The following CHRNA10 variants were observed in gnomAD, a reference collection of about 807,000 sequenced individuals.
CHRNA10 encodes the protein cholinergic receptor nicotinic alpha 10 subunit, also known as neuronal acetylcholine receptor subunit alpha-10.
Under a neutral mutation model 36.0 loss-of-function variants are expected in CHRNA10, and 31 were observed. The ratio of observed to expected loss-of-function variants is 0.86; its 90% CI spans 0.65 to 1.16. The LOEUF (loss-of-function observed/expected upper bound fraction) is 1.16, where lower values mean the gene tolerates loss of function less well. Ranked by LOEUF, CHRNA10 falls within the 50% of genes most tolerant of loss-of-function variation. The probability of loss-of-function intolerance (pLI) is 0.00; values close to 1 mark genes in which losing one functional copy is unlikely to be tolerated. For missense variants in CHRNA10, 648 were observed against 640.9 expected, an observed-to-expected ratio of 1.01 and a Z score of -0.12; for synonymous variants, 302 against 287.0, an observed-to-expected ratio of 1.05 and a Z score of -0.53.
chr11:3,669,174 G>A, intron 3 of CHRNA10, 22 bp downstream of exon 3: 4 of 1,604,996 alleles, frequency 2.5e-6, no homozygotes, highest in Middle Eastern at 1.7e-4. Context: ...TAAGAGAGAG[G>A]AGGGGCCCAG....
chr11:3,667,122 C>A, intron 4 of CHRNA10, 110 bp downstream of exon 4: 1 of 1,418,836 alleles, frequency 7.0e-7, no homozygotes, highest in African/African-American at 1.5e-5. Flanking sequence ...CAGGACGCCC[C>A]CCTCTCACTT....
At position 3,667,409 on chromosome 11, in the gene CHRNA10, C is replaced by T. The variant is rs774655790; in HGVS notation, c.718G>A (p.Val240Met). 33 of 1,598,962 alleles carry T rather than the reference C, an allele frequency of 2.1e-5. No individual in the cohort carries two copies. Among genetic ancestry groups the T allele is most frequent in the Non-Finnish European group, 2.5e-5 (29 of 1,177,288 alleles). ...ACGCAGGGCAGCAGCAGGTTGCACA[C>T]GTAGGCGGCGGCGCGGCGGCGCAGC... The part of the protein sequence containing the change: ...LLLRRRAAAY[V>M]CNLLLPCVLI... Residue 240 changes from valine (V) to methionine (M), a missense_variant, in exon 4 of 5, where the codon GTG (valine) becomes ATG (methionine). Val to Met is a conservative substitution (Grantham distance 21). Transcript: ENST00000250699.
In CHRNA10 at chr11:3,667,386, G is replaced by A. The variant is rs756087818; in HGVS notation, c.741C>T (p.Cys247=). 12 of 1,601,382 alleles carry A rather than the reference G, an allele frequency of 7.5e-6. No homozygotes were observed. Among genetic ancestry groups the A allele is most frequent in the Admixed American group, 3.3e-5 (2 of 59,746 alleles). The change falls in exon 4 of 5, where the codon TGC becomes TGT. Residue 247 remains cysteine (C), a synonymous_variant. Coordinates refer to ENST00000250699, the MANE Select transcript of CHRNA10 (RefSeq NM_020402.4). ...GCGGCGCAAGCAGCGAGATGAGCAC[G>A]CAGGGCAGCAGCAGGTTGCACACGT... is the stretch of plus-strand genomic sequence containing the variant. The part of the protein sequence containing the change: ...AAYVCNLLLP[C]VLISLLAPLA...
rs746641185 is a variant in CHRNA10, at chr11:3,667,427, G to A, written c.700C>T (p.Arg234Cys). The A allele has an allele frequency of 8.1e-6, 13 of 1,596,602 alleles. No homozygotes were observed. In the African/African-American group the frequency reaches 1.3e-4, roughly 16 times the overall value. The change falls in exon 4 of 5, where the codon CGC becomes TGC. Residue 234 changes from arginine to cysteine, a missense_variant. Arg to Cys is a radical substitution (Grantham distance 180). Coordinates refer to ENST00000250699, the MANE Select transcript of CHRNA10 (RefSeq NM_020402.4). Reference protein sequence around the residue: ...PDVTFTLLLRRRAAAYVCNLL... With the variant: ...PDVTFTLLLRCRAAAYVCNLL... ...TTGCACACGTAGGCGGCGGCGCGGC[G>A]GCGCAGCAGCAGCGTGAAGGTGACG...
chr11:3,670,398 TC>T (rs2077705094), intron 1 of CHRNA10, among the ~76,000 whole-genome samples: 2 of 152,102 alleles, frequency 1.3e-5, no homozygotes, highest in African/African-American at 4.8e-5. Flanking sequence ...AAAACACACT[TC>T]CCCAGGCTTT....
intron 3 of CHRNA10, chr11:3,668,810 C>T: frequency 6.2e-6 from 1 of 161,888 alleles, no homozygotes; most frequent in Non-Finnish European, 1.3e-5. Context: ...GGCTGGGAGA[C>T]ACGGAACTGG....
Position 3,667,584 on chromosome 11 carries a change from T to A in CHRNA10, c.543A>T (p.Gln181His). 1 of 1,556,242 alleles carries A rather than the reference T, an allele frequency of 6.4e-7. No individual in the cohort carries two copies. The highest frequency in any genetic ancestry group is 8.7e-7 in the Non-Finnish European group (1 of 1,155,850). ...CAGCGCCGCGCGGCCGCACATCCAG[T>A]TGGTGCCCGCCGTGAGTCCAGGAGC... ...TFGSWTHGGH[Q>H]LDVRPRGAAA... Residue 181 changes from glutamine (Q) to histidine (H), a missense_variant, in exon 4 of 5, where the codon CAA (glutamine) becomes CAT (histidine). Physicochemically the swap from Gln to His is conservative, Grantham distance 24 (BLOSUM62 0). Transcript: ENST00000250699.
Position 3,667,562 on chromosome 11 carries a change from C to A in CHRNA10, c.565G>T (p.Ala189Ser). The A allele has an allele frequency of 6.4e-7, 1 of 1,564,178 alleles. No individual in the cohort carries two copies. The highest frequency in any genetic ancestry group is 8.6e-7 in the Non-Finnish European group (1 of 1,160,830). Reference protein sequence around the residue: ...GHQLDVRPRGAAASLADFVEN... With the variant: ...GHQLDVRPRGSAASLADFVEN... ...ACGAAGTCCGCCAGGCTGGCTGCAGCGCCGCGCGGCCGCACATCCAGTTGG... is the reference window on the plus strand; with the variant it reads ...ACGAAGTCCGCCAGGCTGGCTGCAGAGCCGCGCGGCCGCACATCCAGTTGG... Residue 189 changes from alanine to serine, a missense_variant, in exon 4 of 5, where the codon GCT becomes TCT. Physicochemically the swap from Ala to Ser is moderately conservative, Grantham distance 99. Transcript: ENST00000250699.
rs371388495 is a variant in CHRNA10 at position 3,666,308 on chromosome 11, G to C, written c.1152C>G (p.His384Gln). Residue 384 changes from histidine (H) to glutamine (Q), a missense_variant, in exon 5 of 5, where the codon CAC becomes CAG. Coordinates refer to ENST00000250699, the MANE Select transcript of CHRNA10 (RefSeq NM_020402.4). ...CCTGGCGGCACAGACATCGTGGCTC[G>C]TGGCAAGGGCCCGCTGGGGGGCCAG... ...GGAGPPAGPCHEPRCLCRQEA... is the reference protein window; with the variant it reads ...GGAGPPAGPCQEPRCLCRQEA... 6.2e-7 allele frequency: 1 copy of C among 1,613,256 alleles called. No individual in the cohort carries two copies. The highest frequency in any genetic ancestry group is 8.5e-7 in the Non-Finnish European group (1 of 1,179,726).
intron 3 of CHRNA10, 80 bp downstream of exon 3, chr11:3,669,116 A>C (rs1310735540): frequency 6.9e-7 from 1 of 1,446,386 alleles, no homozygotes; most frequent in Non-Finnish European, 9.4e-7. Flanking sequence ...TGTGGTAGGG[A>C]GAGGGGATCA....
In CHRNA10 at chr11:3,667,608, G is replaced by A. The variant is rs1053064699; in HGVS notation, c.519C>T (p.Gly173=). The change falls in exon 4 of 5, where the codon GGC becomes GGT. Residue 173 remains glycine, a synonymous_variant. Coordinates refer to ENST00000250699, the MANE Select transcript of CHRNA10 (RefSeq NM_020402.4). The part of the protein sequence containing the change: ...FDAQHCGLTF[G]SWTHGGHQLD... Reference sequence around the variant, plus strand: ...GTTGGTGCCCGCCGTGAGTCCAGGAGCCGAACGTCAGGCCGCAGTGCTGGG... The same window carrying A: ...GTTGGTGCCCGCCGTGAGTCCAGGAACCGAACGTCAGGCCGCAGTGCTGGG... 3.2e-6 allele frequency: 5 copies of A among 1,557,038 alleles called. No homozygotes were observed. In the African/African-American group the frequency reaches 5.4e-5, roughly 17 times the overall value.
rs2077671186 is a variant in CHRNA10, at chr11:3,667,358, C to A, written c.769G>T (p.Ala257Ser). The change falls in exon 4 of 5, where the codon GCC becomes TCC. Residue 257 changes from alanine to serine, a missense_variant. Coordinates refer to ENST00000250699, the MANE Select transcript of CHRNA10 (RefSeq NM_020402.4). ...CCTGAGTCGGCAGGCAGGTGGAAGG[C>A]GAGCGGCGCAAGCAGCGAGATGAGC... ...CVLISLLAPLAFHLPADSGEK... is the reference protein window; with the variant it reads ...CVLISLLAPLSFHLPADSGEK... 4 of 1,600,986 alleles carry A rather than the reference C, an allele frequency of 2.5e-6. No homozygotes were observed. In the African/African-American group the frequency reaches 4.0e-5, roughly 16 times the overall value.
At chr11:3,666,631 C>T in intron 4 of CHRNA10, 67 bp from the exon 5 acceptor site, 2 of 1,237,218 alleles carry the variant, frequency 1.6e-6, no homozygotes, top group Non-Finnish European at 2.2e-6. Context: ...TTCCCAGCCA[C>T]CTCTGCACAA....
intron 3 of CHRNA10, among the ~76,000 whole-genome samples, chr11:3,668,236 G>C (rs933372100): frequency 1.3e-5 from 2 of 152,182 alleles, no homozygotes; most frequent in Admixed American, 6.5e-5. Context: ...GCTTGTGGCT[G>C]GGTGCGGTGG....
In CHRNA10 at chr11:3,667,377, G is replaced by A. The variant is rs764409011; in HGVS notation, c.750C>T (p.Ile250=). 3 of 1,602,084 alleles carry A rather than the reference G, an allele frequency of 1.9e-6. No individual in the cohort carries two copies. Among genetic ancestry groups the A allele is most frequent in the Middle Eastern group, 1.7e-4 (1 of 5,996 alleles). Residue 250 remains isoleucine (I), a synonymous_variant, in exon 4 of 5, where the codon ATC becomes ATT. Transcript: ENST00000250699. The stretch of plus-strand genomic sequence containing the variant: ...GGAAGGCGAGCGGCGCAAGCAGCGA[G>A]ATGAGCACGCAGGGCAGCAGCAGGT... The part of the protein sequence containing the change: ...VCNLLLPCVL[I]SLLAPLAFHL...
intron 2 of CHRNA10, 120 bp downstream of exon 2, chr11:3,669,676 T>C: frequency 7.4e-7 from 1 of 1,360,474 alleles, no homozygotes; most frequent in Non-Finnish European, 1.1e-6. Flanking sequence ...CTGCTACCTT[T>C]GTTAATATTA....
chr11:3,669,363 G>A lies in CHRNA10; in HGVS notation c.208-13C>T, dbSNP rs947058861. 2.5e-6 allele frequency: 4 copies of A among 1,612,014 alleles called. No individual in the cohort carries two copies. In the African/African-American group the frequency reaches 5.3e-5, roughly 22 times the overall value. On this transcript the variant is annotated splice_polypyrimidine_tract_variant and intron_variant, in intron 2 of 4. Coordinates refer to ENST00000250699, the MANE Select transcript of CHRNA10 (RefSeq NM_020402.4). ...GGTTCCGTTCATCCTAGTGGGGGCA[G>A]GGAATGGCAGAGATGTGGACATGTA...
chr11:3,667,767 G>T lies in CHRNA10; in HGVS notation c.363-3C>A. 1 of 1,509,426 alleles carries T rather than the reference G, an allele frequency of 6.6e-7. No homozygotes were observed. Among genetic ancestry groups the T allele is most frequent in the Non-Finnish European group, 8.8e-7 (1 of 1,136,620 alleles). 93.5% of individuals were successfully genotyped at this position (1,509,426 alleles called of 1,614,324 possible). On this transcript the variant is annotated splice_polypyrimidine_tract_variant and splice_region_variant and intron_variant, in intron 3 of 4. Transcript: ENST00000250699. The stretch of plus-strand genomic sequence containing the variant: ...AACCTGGAGGCTGCGCGTCGGCTCT[G>T]GGGGCAGGCGGGGCAGGGCTCACCT...
intron 1 of CHRNA10, 73 bp downstream of exon 1, chr11:3,671,179 G>GA: frequency 6.9e-7 from 1 of 1,450,760 alleles, no homozygotes; most frequent in East Asian, 2.3e-5. Flanking sequence ...AGACTACATG[G>GA]AAAGGGATTT....
Sources: allele counts gnomAD v4.1 joint callset (sites outside exome capture counted in the v4.1 genomes callset), GRCh38; gene constraint gnomAD v4.1.1; transcripts MANE v1.5; gene names NCBI Gene and HGNC (gene_info 2026-07-23, HGNC 2026-07-21).